PARP15: variants seen among roughly 807,000 people sequenced by gnomAD.
PARP15 encodes poly(ADP-ribose) polymerase family member 15.
A neutral mutation model predicts 62.1 loss-of-function variants in PARP15; 50 were observed. That is an observed-to-expected ratio of 0.81 (90% CI 0.64 to 1.02). PARP15 has a LOEUF of 1.02. PARP15 is among the 50% of genes least tolerant of loss of function. PARP15 has a pLI of 0.00. For synonymous variants in PARP15, 309 were observed against 293.1 expected (o/e 1.05, Z -0.55); for missense variants, 820 against 826.5 (o/e 0.99, Z 0.10).
chr3:122,581,320 CCCA>C (rs1368313639), intron 1 of PARP15, among the ~76,000 whole-genome samples: 1 of 152,156 alleles, frequency 6.6e-6, no homozygotes, highest in African/African-American at 2.4e-5. Context: ...TTTTTGCATT[CCCA>C]CCAACAGTAC....
intron 9 of PARP15, among the ~76,000 whole-genome samples, chr3:122,628,406 G>A (rs1050138207): frequency 2.6e-5 from 4 of 152,118 alleles, no homozygotes; most frequent in African/African-American, 7.2e-5. Context: ...TACCAGAAGA[G>A]GAGAAAAGGA....
intron 1 of PARP15, among the ~76,000 whole-genome samples, chr3:122,592,143 A>G (rs1273789937): frequency 6.6e-6 from 1 of 152,260 alleles, no homozygotes; most frequent in East Asian, 1.9e-4. Context: ...ATGCATACAT[A>G]TGTTCATTAC....
At chr3:122,607,110 C>T (rs9812755) in intron 2 of PARP15, among the ~76,000 whole-genome samples, 11,749 of 152,196 alleles carry the variant, frequency 0.077, 546 homozygotes, top group African/African-American at 0.12. Context: ...ATCTGACTCA[C>T]ACTAATCAAA....
Position 122,637,361 on chromosome 3 carries a change from A to C in PARP15, c.*1261A>C, listed in dbSNP as rs1233907534. ...GTTAATTAGTGGAAAACTCTTTTTC[A>C]AAAGTTGAAATCAGTTCCTCTGTGT... On this transcript the variant is annotated 3_prime_UTR_variant, in exon 12 of 12. Coordinates refer to ENST00000464300, the MANE Select transcript of PARP15 (RefSeq NM_001113523.3). 1 of 152,138 alleles carries C rather than the reference A, an allele frequency of 6.6e-6. No individual in the cohort carries two copies. The highest frequency in any genetic ancestry group is 1.9e-4 in the East Asian group (1 of 5,188). 9.4% of individuals were successfully genotyped at this position (152,138 alleles called of 1,614,324 possible).
chr3:122,615,678 A>G lies in PARP15; in HGVS notation c.772-101A>G. On this transcript the variant is annotated intron_variant, in intron 4 of 11. Transcript: ENST00000464300. ...GGGAAGAGGAAATATTTTGAGAACT[A>G]TTGTTATCAACTCTTTGATATCTGA... 1.3e-6 allele frequency: 2 copies of G among 1,589,240 alleles called. 1 individual carries two copies. Among genetic ancestry groups the G allele is most frequent in the South Asian group, 2.3e-5 (2 of 87,120 alleles).
At chr3:122,615,339 T>A (rs2107550092) in intron 4 of PARP15, 1 of 1,292,022 alleles carries the variant, frequency 7.7e-7, no homozygotes, top group Non-Finnish European at 1.0e-6. Flanking sequence ...TTGTTGTTAA[T>A]CAACCCCAGA....
intron 1 of PARP15, among the ~76,000 whole-genome samples, chr3:122,585,368 G>A (rs1012051503): frequency 2.0e-5 from 3 of 152,184 alleles, no homozygotes; most frequent in Non-Finnish European, 4.4e-5. Context: ...CCAATCTGGA[G>A]GCTGGGTCAG....
chr3:122,615,174 A>G (rs1935870825), intron 4 of PARP15: 3 of 1,223,230 alleles, frequency 2.5e-6, no homozygotes, highest in Admixed American at 2.7e-5. Flanking sequence ...TCTGTCGCCC[A>G]TTGCTCAATT....
chr3:122,611,399 T>C (rs1196874092), intron 3 of PARP15, among the ~76,000 whole-genome samples: 1 of 152,028 alleles, frequency 6.6e-6, no homozygotes, highest in Non-Finnish European at 1.5e-5. Flanking sequence ...TGGGGCGCCA[T>C]CTCAGCTCAT....
In PARP15 at chr3:122,636,370, C is replaced by A. The variant is rs1432478461; in HGVS notation, c.*270C>A. 34 of 385,690 alleles carry A rather than the reference C, an allele frequency of 8.8e-5. No homozygotes were observed. Among genetic ancestry groups the A allele is most frequent in the Non-Finnish European group, 2.8e-5 (6 of 212,356 alleles). The allele number at this position is 385,690 out of a possible 1,614,324, so 23.9% of individuals were successfully genotyped here. On this transcript the variant is annotated 3_prime_UTR_variant, in exon 12 of 12. Coordinates refer to ENST00000464300, the MANE Select transcript of PARP15 (RefSeq NM_001113523.3). Reference sequence around the variant, plus strand: ...ACCAAATCTCTAGGAGAATAAAAAGCACATTATTCTTTTTCTATCAGAAAA... The same window carrying A: ...ACCAAATCTCTAGGAGAATAAAAAGAACATTATTCTTTTTCTATCAGAAAA...
chr3:122,610,625 A>C lies in PARP15; in HGVS notation c.438A>C (p.Glu146Asp). The C allele has an allele frequency of 6.4e-7, 1 of 1,551,758 alleles. No homozygotes were observed. The highest frequency in any genetic ancestry group is 8.7e-7 in the Non-Finnish European group (1 of 1,147,002). The change falls in exon 3 of 12, where the codon GAA becomes GAC. Residue 146 changes from glutamate to aspartate, a missense_variant. Glu to Asp is a conservative substitution (Grantham distance 45, BLOSUM62 2). Coordinates refer to ENST00000464300, the MANE Select transcript of PARP15 (RefSeq NM_001113523.3). ...ATGACAGAAGGCGGGAAACAGAGGA[A>C]AAAGTAGGTAACATATTCATGACAA... ...ELDDRRRETE[E>D]KVGNIFMTSG...
intron 9 of PARP15, among the ~76,000 whole-genome samples, chr3:122,627,321 G>T (rs923526811): frequency 6.6e-6 from 1 of 152,128 alleles, no homozygotes; most frequent in Non-Finnish European, 1.5e-5. Flanking sequence ...GCAAATTCTA[G>T]CCAATATTTA....
chr3:122,610,628 AGTAG>A lies in PARP15; in HGVS notation c.445_448del (p.Gly149ThrfsTer4), dbSNP rs368949816. 1.6e-5 allele frequency: 25 copies of A among 1,551,750 alleles called. No individual in the cohort carries two copies. The highest frequency in any genetic ancestry group is 1.5e-4 in the African/African-American group (11 of 73,156). On this transcript the variant is annotated frameshift_variant, in exon 3 of 12. Transcript: ENST00000464300. LOFTEE classifies it high-confidence loss of function. ...ACAGAAGGCGGGAAACAGAGGAAAA[AGTAG>A]GTAACATATTCATGACAAGCGGCTG...
At chr3:122,611,605 CT>C (rs1935570949) in intron 3 of PARP15, among the ~76,000 whole-genome samples, 1 of 152,208 alleles carries the variant, frequency 6.6e-6, no homozygotes, top group African/African-American at 2.4e-5. Context: ...TCCCAAAGTG[CT>C]GGGATTACAG....
intron 1 of PARP15, among the ~76,000 whole-genome samples, chr3:122,587,654 T>C (rs556862924): frequency 3.3e-5 from 5 of 152,214 alleles, no homozygotes; most frequent in Non-Finnish European, 4.4e-5. Context: ...TCAGCCTCCC[T>C]GGTAGCTGGG....
chr3:122,617,390 T>C (rs376931684), intron 6 of PARP15, among the ~76,000 whole-genome samples: 5 of 152,316 alleles, frequency 3.3e-5, no homozygotes, highest in African/African-American at 1.2e-4. Flanking sequence ...GTCAAACACC[T>C]ATTTCCCAGG....
At position 122,629,635 on chromosome 3, in the gene PARP15, C is replaced by G. The variant is rs150662963; in HGVS notation, c.1439-2451C>G. 9.2e-5 allele frequency among the ~76,000 whole-genome samples: 14 copies of G among 152,218 alleles called. No individual in the cohort carries two copies. The East Asian group carries it at 2.7e-3, about 29-fold the overall frequency. On this transcript the variant is annotated intron_variant, in intron 9 of 11. Transcript: ENST00000464300. ...GGTCCGAGTGCATTACATTTATTGT[C>G]CACTTTGTTATTATTATTATTACAT...
chr3:122,597,630 A>G (rs1386860196), intron 1 of PARP15, among the ~76,000 whole-genome samples: 2 of 152,186 alleles, frequency 1.3e-5, no homozygotes, highest in African/African-American at 4.8e-5. Context: ...CTTATATTAA[A>G]AGAACAGTAT....
intron 5 of PARP15, 43 bp from the exon 6 acceptor site, chr3:122,616,972 A>G: frequency 6.3e-7 from 1 of 1,599,746 alleles, no homozygotes; most frequent in Non-Finnish European, 8.5e-7. Context: ...GTTCCTCCAG[A>G]AGCTGAGCCA....
Sources: allele counts gnomAD v4.1 joint callset (sites outside exome capture counted in the v4.1 genomes callset), GRCh38; gene constraint gnomAD v4.1.1; transcripts MANE v1.5; gene names NCBI Gene and HGNC (gene_info 2026-07-23, HGNC 2026-07-21).